The following ZNF644 variants were observed in gnomAD, a reference collection of about 807,000 sequenced individuals.
The protein encoded by ZNF644 is zinc finger motif enhancer binding protein 2.
A neutral mutation model predicts 108.0 loss-of-function variants in ZNF644; 20 were observed. The ratio of observed to expected loss-of-function variants is 0.19; its 90% CI spans 0.13 to 0.27. The LOEUF (loss-of-function observed/expected upper bound fraction) is 0.27, where lower values mean the gene tolerates loss of function less well. Ranked by LOEUF, ZNF644 falls within the 10% of genes least tolerant of loss-of-function variation. The pLI is 1.00. For synonymous variants in ZNF644, 542 were observed against 539.1 expected (o/e 1.01, Z -0.08); for missense variants, 1,338 against 1,548.9 (o/e 0.86, Z 2.29).
chr1:90,929,152 A>C (rs1650425124), intron 4 of ZNF644, among the ~76,000 whole-genome samples: 1 of 152,146 alleles, frequency 6.6e-6, no homozygotes, highest in Non-Finnish European at 1.5e-5. Context: ...GCTCTAATTC[A>C]ATGAGACAAA....
chr1:90,968,465 A>T (rs1316861309), intron 2 of ZNF644, among the ~76,000 whole-genome samples: 1 of 152,130 alleles, frequency 6.6e-6, no homozygotes, highest in Non-Finnish European at 1.5e-5. Context: ...GTGATGTGTG[A>T]TAAACAGACT....
rs1040422813 is a variant in ZNF644, at chr1:90,941,107, A to C, written c.247T>G (p.Ser83Ala). 3 of 1,613,984 alleles carry C rather than the reference A, an allele frequency of 1.9e-6. No homozygotes were observed. The highest frequency in any genetic ancestry group is 2.5e-6 in the Non-Finnish European group (3 of 1,179,960). ...TGGCCTCCACTTAAGGCGTTTTCAG[A>C]TTTGTCCTTTGACAGTTCTTCAGGC... ...TLPEELSKDK[S>A]ENALSGGQSS... Residue 83 changes from serine (S) to alanine (A), a missense_variant, in exon 3 of 6, where the codon TCT becomes GCT. By Grantham distance (99) the Ser-to-Ala change is moderately conservative. Coordinates refer to ENST00000337393, the MANE Select transcript of ZNF644 (RefSeq NM_201269.3).
chr1:90,968,805 T>C (rs569047814), intron 2 of ZNF644, among the ~76,000 whole-genome samples: 1 of 152,314 alleles, frequency 6.6e-6, no homozygotes, highest in Non-Finnish European at 1.5e-5. Flanking sequence ...TAAATAGATA[T>C]ATTGATAAAT....
chr1:90,918,082 C>T lies in ZNF644; in HGVS notation c.3761G>A (p.Gly1254Asp), dbSNP rs1649001428. Residue 1254 changes from glycine to aspartate, a missense_variant, in exon 5 of 6, where the codon GGT (glycine) becomes GAT (aspartate). By Grantham distance (94) the Gly-to-Asp change is moderately conservative. Around this residue, in one of 6 missense-constraint regions of ZNF644, gnomAD observed 287 missense variants for 310.9 expected, o/e 0.92. Coordinates refer to ENST00000337393, the MANE Select transcript of ZNF644 (RefSeq NM_201269.3). ...TCGGAGAATGTAAACCTCGTCAGCA[C>T]CATGAGGTAATGTTAGCATTTTCTT... ...SKKKMLTLPHGADEVYILRCR... is the reference protein window; with the variant it reads ...SKKKMLTLPHDADEVYILRCR... The T allele has an allele frequency of 1.9e-6, 3 of 1,614,034 alleles. No homozygotes were observed. The highest frequency in any genetic ancestry group is 2.5e-6 in the Non-Finnish European group (3 of 1,179,952).
intron 4 of ZNF644, among the ~76,000 whole-genome samples, chr1:90,931,292 G>A (rs1413867066): frequency 6.7e-6 from 1 of 150,296 alleles, no homozygotes; most frequent in African/African-American, 2.4e-5. Flanking sequence ...ACTATATAAT[G>A]TTCTCATTAA....
At chr1:90,959,857 G>A (rs1463231307) in intron 2 of ZNF644, among the ~76,000 whole-genome samples, 1 of 152,126 alleles carries the variant, frequency 6.6e-6, no homozygotes, top group African/African-American at 2.4e-5. Context: ...CACAGTTTCA[G>A]TTACCTGAAG....
chr1:91,001,952 C>T (rs1658881573), intron 1 of ZNF644, among the ~76,000 whole-genome samples: 1 of 152,066 alleles, frequency 6.6e-6, no homozygotes, highest in South Asian at 2.1e-4. Context: ...AATAAAATAC[C>T]TAGGAATTCA....
At chr1:90,930,663 A>G (rs202097807) in intron 4 of ZNF644, among the ~76,000 whole-genome samples, 2 of 152,222 alleles carry the variant, frequency 1.3e-5, no homozygotes, top group East Asian at 3.8e-4. Context: ...ATATAATAAA[A>G]AAGAAAATAT....
At chr1:90,957,755 G>A (rs1339504745) in intron 2 of ZNF644, among the ~76,000 whole-genome samples, 2 of 152,056 alleles carry the variant, frequency 1.3e-5, no homozygotes, top group African/African-American at 2.4e-5. Context: ...ATTCAACACT[G>A]TACTAAAAGT....
At chr1:90,920,388 T>C (rs1277792783) in intron 4 of ZNF644, among the ~76,000 whole-genome samples, 10 of 151,912 alleles carry the variant, frequency 6.6e-5, no homozygotes, top group Non-Finnish European at 1.5e-4. Context: ...GTAAAGCAAA[T>C]TGAGGAAGAA....
chr1:90,997,453 A>G (rs1658260148), intron 1 of ZNF644, among the ~76,000 whole-genome samples: 1 of 152,174 alleles, frequency 6.6e-6, no homozygotes, highest in Non-Finnish European at 1.5e-5. Context: ...AAAAAAAATC[A>G]CTAAAATAAC....
chr1:90,930,926 T>A (rs569230809), intron 4 of ZNF644, among the ~76,000 whole-genome samples: 1 of 152,358 alleles, frequency 6.6e-6, no homozygotes, highest in South Asian at 2.1e-4. Flanking sequence ...AAATTCACTC[T>A]TATTTTGACC....
At chr1:91,012,546 A>G (rs899332632) in intron 1 of ZNF644, among the ~76,000 whole-genome samples, 1 of 152,152 alleles carries the variant, frequency 6.6e-6, no homozygotes, top group Non-Finnish European at 1.5e-5. Context: ...TAGAGGTTAG[A>G]GGTTAAAATA....
In ZNF644 at chr1:90,938,900, T is replaced by C; in HGVS notation, c.2454A>G (p.Glu818=). The change falls in exon 3 of 6, where the codon GAA becomes GAG. Residue 818 remains glutamate (E), a synonymous_variant. Transcript: ENST00000337393. The surrounding 1 kb of genome is among the most constrained non-coding windows in gnomAD (Gnocchi z 4.2). ...VKRVIKESKK[E]SSVGGEDLDS... is the part of the protein sequence containing the mutation. ...CCAAGTCTTCCCCTCCAACAGAACT[T>C]TCCTTCTTAGATTCCTTAATTACTC... 6.2e-7 allele frequency: 1 copy of C among 1,613,994 alleles called. No individual in the cohort carries two copies. The highest frequency in any genetic ancestry group is 8.5e-7 in the Non-Finnish European group (1 of 1,179,942).
chr1:90,979,874 T>G (rs771559422), intron 2 of ZNF644, among the ~76,000 whole-genome samples: 3 of 152,234 alleles, frequency 2.0e-5, no homozygotes, highest in Non-Finnish European at 4.4e-5. Flanking sequence ...AGTCTTACTT[T>G]AGGTCTGAAT....
At chr1:91,005,633 G>C (rs1659344492) in intron 1 of ZNF644, among the ~76,000 whole-genome samples, 1 of 152,214 alleles carries the variant, frequency 6.6e-6, no homozygotes, top group African/African-American at 2.4e-5. Context: ...AAGGAAATTG[G>C]TAAGTTAATA....
intron 2 of ZNF644, among the ~76,000 whole-genome samples, chr1:90,962,006 A>G (rs1349459963): frequency 6.6e-6 from 1 of 152,110 alleles, no homozygotes; most frequent in Admixed American, 6.6e-5. Context: ...AACCTGACAT[A>G]ATCATATAAA....
chr1:90,970,736 T>C (rs1455106579), intron 2 of ZNF644, among the ~76,000 whole-genome samples: 1 of 152,124 alleles, frequency 6.6e-6, no homozygotes, highest in Non-Finnish European at 1.5e-5. Context: ...CCAGGGTATA[T>C]AAGTGATTAT....
At chr1:91,009,558 C>T (rs1325161256) in intron 1 of ZNF644, among the ~76,000 whole-genome samples, 1 of 152,104 alleles carries the variant, frequency 6.6e-6, no homozygotes, top group African/African-American at 2.4e-5. Context: ...ATGTAGTCCA[C>T]ATTGTTAATT....
Sources: gnomAD v4.1 joint callset for allele counts (sites outside exome capture counted in the v4.1 genomes callset) on GRCh38, gnomAD v4.1.1 for gene constraint, gnomAD v4.1.1 regional missense constraint, Gnocchi (gnomAD v3.1) non-coding constraint, MANE v1.5 for transcripts, NCBI Gene and HGNC (gene_info 2026-07-23, HGNC 2026-07-21) for gene names.